Variants in ANKFN1 observed in about 807,000 individuals in gnomAD.
ANKFN1 encodes ankyrin repeat and fibronectin type III domain containing 1, also known as ankyrin repeat and fibronectin type-III domain-containing protein 1.
ANKFN1 carries 74 observed loss-of-function variants against 108.7 expected under a neutral mutation model. That is an observed-to-expected ratio of 0.68 (90% CI 0.56 to 0.83). The LOEUF (loss-of-function observed/expected upper bound fraction) is 0.83. Among genes scored for constraint, ANKFN1 ranks in the 40% least tolerant of loss-of-function variants. The pLI, the probability that ANKFN1 is intolerant of heterozygous loss-of-function variation, is 0.00. For synonymous variants in ANKFN1, 547 were observed against 516.2 expected (o/e 1.06, Z -0.81); for missense variants, 1,505 against 1,382.3 (o/e 1.09, Z -1.41).
intron 3 of ANKFN1, among the ~76,000 whole-genome samples, chr17:56,276,398 C>T (rs2043935714): frequency 6.6e-6 from 1 of 152,162 alleles, no homozygotes; most frequent in South Asian, 2.1e-4. Context: ...AATGGTATTT[C>T]TAGTTCTAGG....
intron 6 of ANKFN1, among the ~76,000 whole-genome samples, chr17:56,367,787 A>T (rs1366063524): frequency 7.2e-5 from 11 of 152,244 alleles, no homozygotes; most frequent in Admixed American, 6.5e-4. Context: ...CAAGAAAAAG[A>T]GAAGTGGATG....
intron 15 of ANKFN1, among the ~76,000 whole-genome samples, chr17:56,475,945 A>C (rs8066712): frequency 0.029 from 4,481 of 152,332 alleles, 194 homozygotes; most frequent in African/African-American, 0.1. Flanking sequence ...CAGGCTTAAC[A>C]GGAAGTATGC....
intron 8 of ANKFN1, among the ~76,000 whole-genome samples, chr17:56,403,182 A>G (rs984879870): frequency 6.6e-5 from 10 of 152,094 alleles, no homozygotes; most frequent in Non-Finnish European, 8.8e-5. Flanking sequence ...TGGTTGTTGG[A>G]TGAACTGTTC....
chr17:56,098,846 G>C (rs1195459820), intron 4 of ANKFN1, among the ~76,000 whole-genome samples: 1 of 142,186 alleles, frequency 7.0e-6, no homozygotes, highest in Non-Finnish European at 1.5e-5. Flanking sequence ...AGAAGTCAGA[G>C]GGGTGTGTGT....
At chr17:56,337,269 A>G (rs1160158645) in intron 4 of ANKFN1, among the ~76,000 whole-genome samples, 1 of 152,152 alleles carries the variant, frequency 6.6e-6, no homozygotes, top group African/African-American at 2.4e-5. Context: ...AGTCCTGGAT[A>G]TCCTTGTTAA....
At chr17:56,331,149 A>G (rs182907439) in intron 4 of ANKFN1, among the ~76,000 whole-genome samples, 161 of 152,328 alleles carry the variant, frequency 1.1e-3, no homozygotes, top group African/African-American at 3.6e-3. Context: ...TTTTGCTTTT[A>G]GAAGCCAATT....
intron 3 of ANKFN1, among the ~76,000 whole-genome samples, chr17:56,303,413 C>T (rs1413062030): frequency 6.6e-6 from 1 of 152,106 alleles, no homozygotes; most frequent in South Asian, 2.1e-4. Context: ...ATAGTATGTA[C>T]AAAATTCATC....
intron 19 of ANKFN1, among the ~76,000 whole-genome samples, chr17:56,496,614 A>G (rs1289833434): frequency 6.6e-6 from 1 of 151,936 alleles, no homozygotes; most frequent in Admixed American, 6.6e-5. Flanking sequence ...TGTCTGACAA[A>G]TCTCCCTCTG....
At chr17:56,411,634 T>A (rs186846639) in intron 8 of ANKFN1, among the ~76,000 whole-genome samples, 13 of 152,342 alleles carry the variant, frequency 8.5e-5, no homozygotes, top group African/African-American at 3.1e-4. Context: ...TTGTTGTGTA[T>A]GGTCTTTATT....
intron 4 of ANKFN1, among the ~76,000 whole-genome samples, chr17:56,055,516 GTGTGTGTGTGTATGCCTAATGTGGTATA>G (rs1444663232): frequency 3.0e-4 from 41 of 137,068 alleles, no homozygotes; most frequent in African/African-American, 1.1e-3. Context: ...ATGTCTGTGT[GTGTGTGTGTGTATGCCTAATGTGGTATA>G]TGTGTGTGTG....
At chr17:56,486,988 C>T (rs1217055898) in intron 18 of ANKFN1, among the ~76,000 whole-genome samples, 3 of 152,174 alleles carry the variant, frequency 2.0e-5, no homozygotes, top group Non-Finnish European at 2.9e-5. Context: ...GTGCCTATTC[C>T]AGCACTGCAT....
chr17:56,332,208 A>T (rs1305652245), intron 4 of ANKFN1, among the ~76,000 whole-genome samples: 2 of 152,088 alleles, frequency 1.3e-5, no homozygotes, highest in Non-Finnish European at 2.9e-5. Flanking sequence ...CCTCTCCCTG[A>T]GACAGCTGGT....
chr17:56,237,723 C>G (rs180939713), intron 3 of ANKFN1, among the ~76,000 whole-genome samples: 22 of 151,824 alleles, frequency 1.4e-4, no homozygotes, highest in African/African-American at 4.3e-4. Flanking sequence ...ATTTTTATAA[C>G]AAACCAACTC....
intron 4 of ANKFN1, among the ~76,000 whole-genome samples, chr17:56,053,665 C>T (rs1188093923): frequency 1.3e-5 from 2 of 152,092 alleles, no homozygotes; most frequent in East Asian, 1.9e-4. Context: ...GGGTTATATA[C>T]CCAGCAGTGG....
chr17:56,420,532 C>G (rs9901251), intron 8 of ANKFN1, among the ~76,000 whole-genome samples: 14,249 of 152,042 alleles, frequency 0.094, 2,157 homozygotes, highest in African/African-American at 0.32. Flanking sequence ...GAAATTATAC[C>G]TAGGGTGCAG....
chr17:56,304,863 A>C (rs1314115644), intron 3 of ANKFN1, among the ~76,000 whole-genome samples: 2 of 152,022 alleles, frequency 1.3e-5, no homozygotes, highest in African/African-American at 4.8e-5. Context: ...ATATCTCTTC[A>C]TGTCTTTTGG....
intron 3 of ANKFN1, among the ~76,000 whole-genome samples, chr17:56,288,595 C>T (rs114055719): frequency 0.045 from 6,818 of 152,090 alleles, 518 homozygotes; most frequent in African/African-American, 0.16. Flanking sequence ...AGTGTGATTC[C>T]ACTATTTTGG....
At chr17:56,087,520 G>T (rs896008377) in intron 4 of ANKFN1, among the ~76,000 whole-genome samples, 1 of 150,586 alleles carries the variant, frequency 6.6e-6, no homozygotes, top group African/African-American at 2.5e-5. Flanking sequence ...TTAGCTCAAC[G>T]CCAGTGGACT....
Position 56,328,039 on chromosome 17 carries a change from G to T in ANKFN1, c.188+1684G>T, listed in dbSNP as rs77657742. 1.7e-3 allele frequency among the ~76,000 whole-genome samples: 263 copies of T among 152,194 alleles called. 2 individuals carry two copies. In the East Asian group the frequency reaches 0.023, roughly 13 times the overall value. On this transcript the variant is annotated intron_variant, in intron 4 of 20. Coordinates refer to ENST00000682825, the MANE Select transcript of ANKFN1 (RefSeq NM_001370326.1). ...GAGGAGAATGGAGCTGAGAAGTGAT[G>T]TTAAAAAAATTCAAATTCAAATAAA...
Sources: gnomAD v4.1 joint callset for allele counts (sites outside exome capture counted in the v4.1 genomes callset) on GRCh38, gnomAD v4.1.1 for gene constraint, MANE v1.5 for transcripts, NCBI Gene and HGNC (gene_info 2026-07-23, HGNC 2026-07-21) for gene names.